ANXA1: variants seen among roughly 807,000 people sequenced by gnomAD.
The protein encoded by ANXA1 is annexin I (lipocortin I).
ANXA1 carries 39 observed loss-of-function variants against 47.9 expected under a neutral mutation model. The observed-to-expected ratio is 0.81, with a 90% CI of 0.63 to 1.06. The LOEUF (loss-of-function observed/expected upper bound fraction) is 1.06, where lower values mean the gene tolerates loss of function less well. ANXA1 is among the 50% of genes least tolerant of loss of function. ANXA1 has a pLI of 0.00. For missense variants in ANXA1, 446 were observed against 422.7 expected (o/e 1.06, Z -0.48); for synonymous variants, 146 against 142.5 (o/e 1.02, Z -0.17).
chr9:73,159,412 GA>G lies in ANXA1; in HGVS notation c.262del (p.Thr88GlnfsTer9). 6.2e-7 allele frequency: 1 copy of G among 1,612,618 alleles called. No individual in the cohort carries two copies. Among genetic ancestry groups the G allele is most frequent in the Non-Finnish European group, 8.5e-7 (1 of 1,179,010 alleles). On this transcript the variant is annotated frameshift_variant, in exon 4 of 13. Coordinates refer to ENST00000257497, the MANE Select transcript of ANXA1 (RefSeq NM_000700.3). LOFTEE classifies it high-confidence loss of function. The part of the protein sequence containing the change: ...RQQIKAAYLQ[E>X]TGKPLDETLK... ...ACAGATCAAAGCAGCATATCTCCAG[GA>G]AACAGGAAAGGTAAGTTAGAGTGGT... is the stretch of plus-strand genomic sequence containing the variant.
At chr9:73,163,375 T>A in intron 7 of ANXA1, 101 bp from the exon 8 acceptor site, 1 of 1,226,490 alleles carries the variant, frequency 8.2e-7, no homozygotes, top group Non-Finnish European at 1.2e-6. Context: ...ATAGAATACC[T>A]TTTTCTCAAA....
At chr9:73,167,673 T>C (rs1824256108) in intron 11 of ANXA1, 118 bp downstream of exon 11, 2 of 960,394 alleles carry the variant, frequency 2.1e-6, no homozygotes, top group Non-Finnish European at 1.6e-6. Context: ...ATGAGAATCA[T>C]TGTTCTATTT....
chr9:73,159,422 A>T lies in ANXA1; in HGVS notation c.269A>T (p.Lys90Met), dbSNP rs200599744. The change falls in exon 4 of 13, where the codon AAG becomes ATG. Residue 90 changes from lysine to methionine, a missense_variant and splice_region_variant. Coordinates refer to ENST00000257497, the MANE Select transcript of ANXA1 (RefSeq NM_000700.3). ...GCAGCATATCTCCAGGAAACAGGAA[A>T]GGTAAGTTAGAGTGGTAAATTTAGA... Reference protein sequence around the residue: ...IKAAYLQETGKPLDETLKKAL... With the variant: ...IKAAYLQETGMPLDETLKKAL... The T allele has an allele frequency of 3.0e-5, 48 of 1,611,656 alleles. No individual in the cohort carries two copies. Among genetic ancestry groups the T allele is most frequent in the Non-Finnish European group, 4.1e-5 (48 of 1,178,232 alleles).
intron 4 of ANXA1, 162 bp downstream of exon 4, chr9:73,159,585 C>A (rs1461658823): frequency 1.2e-5 from 6 of 515,970 alleles, no homozygotes; most frequent in Non-Finnish European, 1.6e-5. Context: ...GCAATTTAAT[C>A]AATTTTATCA....
At chr9:73,162,916 A>G (rs1824167560) in intron 7 of ANXA1, 55 bp downstream of exon 7, 15 of 1,426,202 alleles carry the variant, frequency 1.1e-5, no homozygotes, top group Non-Finnish European at 1.5e-5. Flanking sequence ...CTAATTTCTT[A>G]GTCCATTTTG....
chr9:73,155,932 A>T (rs1441111196), intron 1 of ANXA1, among the ~76,000 whole-genome samples: 3 of 150,098 alleles, frequency 2.0e-5, no homozygotes, highest in African/African-American at 7.3e-5. Context: ...CTTTTTTTTT[A>T]AATGGACATT....
chr9:73,167,875 T>A (rs1307414480), intron 11 of ANXA1: 1 of 240,886 alleles, frequency 4.2e-6, no homozygotes, highest in Non-Finnish European at 8.0e-6. Flanking sequence ...GCCTACTTCC[T>A]CTAAGGTTGT....
chr9:73,158,697 A>C lies in ANXA1; in HGVS notation c.69A>C (p.Gln23His). The C allele has an allele frequency of 6.2e-7, 1 of 1,613,802 alleles. No homozygotes were observed. Among genetic ancestry groups the C allele is most frequent in the Non-Finnish European group, 8.5e-7 (1 of 1,179,788 alleles). Reference protein sequence around the residue: ...FIENEEQEYVQTVKSSKGGPG... With the variant: ...FIENEEQEYVHTVKSSKGGPG... ...ATTTATTTCTCTCTCATTCTTAGCA[A>C]ACTGTGAAGTCATCCAAAGGTGGTC... Residue 23 changes from glutamine to histidine, a missense_variant and splice_region_variant, in exon 3 of 13, where the codon CAA becomes CAC. Gln to His is a conservative substitution (Grantham distance 24, BLOSUM62 0). Transcript: ENST00000257497.
At chr9:73,158,931 C>A in intron 3 of ANXA1, 128 bp downstream of exon 3, 2 of 784,412 alleles carry the variant, frequency 2.5e-6, no homozygotes, top group Non-Finnish European at 4.1e-6. Flanking sequence ...ATTTCTTTGC[C>A]AAACGAAGAT....
intron 1 of ANXA1, among the ~76,000 whole-genome samples, chr9:73,154,848 T>C (rs940322417): frequency 2.0e-5 from 3 of 152,224 alleles, no homozygotes; most frequent in Non-Finnish European, 4.4e-5. Flanking sequence ...AGATAGAAAC[T>C]GAGGATAATG....
Position 73,165,225 on chromosome 9 carries a change from T to C in ANXA1, c.706+16T>C, listed in dbSNP as rs1824207859. 1.2e-6 allele frequency: 2 copies of C among 1,603,606 alleles called. No individual in the cohort carries two copies. Among genetic ancestry groups the C allele is most frequent in the Admixed American group, 3.4e-5 (2 of 59,416 alleles). ...CTTCGCAGAGGTAACAATAAATTTC[T>C]TTTTCTGGAATCTGTTTATGGAAGA... On this transcript the variant is annotated intron_variant, in intron 9 of 12. Transcript: ENST00000257497.
intron 3 of ANXA1, 150 bp downstream of exon 3, chr9:73,158,953 C>G (rs942611291): frequency 1.4e-5 from 10 of 702,188 alleles, no homozygotes; most frequent in Admixed American, 1.1e-4. Context: ...TAATTATTTA[C>G]TTAACACTGA....
At chr9:73,166,358 A>G (rs1824230018) in intron 10 of ANXA1, among the ~76,000 whole-genome samples, 166 bp downstream of exon 10, 1 of 152,200 alleles carries the variant, frequency 6.6e-6, no homozygotes, top group Admixed American at 6.6e-5. Context: ...TTGGCAAAGT[A>G]CTATAACCTT....
intron 12 of ANXA1, 23 bp from the exon 13 acceptor site, chr9:73,170,028 T>G: frequency 6.3e-7 from 1 of 1,579,722 alleles, no homozygotes; most frequent in Non-Finnish European, 8.6e-7. Flanking sequence ...TAACATTAAG[T>G]ATACCTTTTT....
Position 73,160,909 on chromosome 9 carries a change from C to T in ANXA1, c.475+16C>T. 1 of 1,527,592 alleles carries T rather than the reference C, an allele frequency of 6.5e-7. No individual in the cohort carries two copies. Among genetic ancestry groups the T allele is most frequent in the Non-Finnish European group, 9.1e-7 (1 of 1,104,026 alleles). 94.6% of individuals were successfully genotyped at this position (1,527,592 alleles called of 1,614,324 possible). On this transcript the variant is annotated intron_variant, in intron 6 of 12. Transcript: ENST00000257497. ...TACAGAGAGGGTAAGTTGTAATGTC[C>T]AACAGTCCAAACGCCTTATTTGAAA...
At chr9:73,162,629 C>T (rs1032004369) in intron 6 of ANXA1, among the ~76,000 whole-genome samples, 153 bp from the exon 7 acceptor site, 1 of 152,110 alleles carries the variant, frequency 6.6e-6, no homozygotes, top group African/African-American at 2.4e-5. Flanking sequence ...TAATTTTTCT[C>T]TTCTTATTTA....
At chr9:73,155,891 A>G (rs1158045969) in intron 1 of ANXA1, among the ~76,000 whole-genome samples, 1 of 151,620 alleles carries the variant, frequency 6.6e-6, no homozygotes, top group Non-Finnish European at 1.5e-5. Context: ...GTGTTATGTA[A>G]TTAATATACC....
At chr9:73,162,610 T>C (rs1824162075) in intron 6 of ANXA1, among the ~76,000 whole-genome samples, 172 bp from the exon 7 acceptor site, 2 of 152,162 alleles carry the variant, frequency 1.3e-5, no homozygotes, top group Admixed American at 6.6e-5. Context: ...TCCAAAAATT[T>C]ACCTGCTTTA....
At chr9:73,156,050 T>C (rs976263817) in intron 1 of ANXA1, among the ~76,000 whole-genome samples, 27 of 149,018 alleles carry the variant, frequency 1.8e-4, no homozygotes, top group African/African-American at 6.6e-4. Flanking sequence ...ACAATATCTT[T>C]AGTCTTTCTT....
Sources: allele counts gnomAD v4.1 joint callset (sites outside exome capture counted in the v4.1 genomes callset), GRCh38; gene constraint gnomAD v4.1.1; transcripts MANE v1.5; gene names NCBI Gene and HGNC (gene_info 2026-07-23, HGNC 2026-07-21).